ANO1: variants seen among roughly 807,000 people sequenced by gnomAD.
The protein encoded by ANO1 is anoctamin 1.
ANO1 carries 59 observed loss-of-function variants against 124.0 expected under a neutral mutation model. The ratio of observed to expected loss-of-function variants is 0.48; its 90% CI spans 0.39 to 0.59. ANO1 has a LOEUF of 0.59. Ranked by LOEUF, ANO1 falls within the 20% of genes least tolerant of loss-of-function variation. The probability of loss-of-function intolerance (pLI) is 0.00; values close to 1 mark genes in which losing one functional copy is unlikely to be tolerated. For synonymous variants in ANO1, 529 were observed against 532.0 expected (o/e 0.99, Z 0.08); for missense variants, 1,059 against 1,328.0 (o/e 0.80, Z 3.15).
chr11:70,028,753 C>A (rs536648932), intron 1 of ANO1, among the ~76,000 whole-genome samples: 3 of 152,204 alleles, frequency 2.0e-5, no homozygotes, highest in African/African-American at 7.2e-5. Flanking sequence ...GAGGTGGGAC[C>A]GCCTCTCTGT....
chr11:70,039,470 A>G (rs781955406), intron 1 of ANO1, among the ~76,000 whole-genome samples: 10 of 152,204 alleles, frequency 6.6e-5, no homozygotes, highest in Non-Finnish European at 1.5e-4. Flanking sequence ...TATCCCTTGA[A>G]GGACTTAAAA....
chr11:70,167,185 C>G, intron 20 of ANO1, 57 bp from the exon 21 acceptor site: 2 of 1,593,492 alleles, frequency 1.3e-6, no homozygotes. Flanking sequence ...GGTGCCAGAC[C>G]CAAGCCCCCA....
intron 20 of ANO1, 52 bp downstream of exon 20, chr11:70,165,622 G>A: frequency 6.7e-7 from 1 of 1,485,042 alleles, no homozygotes; most frequent in Non-Finnish European, 9.2e-7. Context: ...AGGCGGAGGG[G>A]TGTGTGGGTG....
chr11:70,125,863 G>A (rs1449212996), intron 9 of ANO1, among the ~76,000 whole-genome samples, 198 bp from the exon 10 acceptor site: 1 of 151,028 alleles, frequency 6.6e-6, no homozygotes, highest in African/African-American at 2.4e-5. Flanking sequence ...CAAAAAAAGA[G>A]AGAAGAGGGG....
intron 6 of ANO1, among the ~76,000 whole-genome samples, 194 bp downstream of exon 6, chr11:70,108,598 A>T (rs536322986): frequency 6.6e-6 from 1 of 152,246 alleles, no homozygotes; most frequent in East Asian, 1.9e-4. Flanking sequence ...GCACTTTTAA[A>T]CACAAATGTA....
At chr11:70,109,992 G>A (rs914626438) in intron 6 of ANO1, among the ~76,000 whole-genome samples, 1 of 152,140 alleles carries the variant, frequency 6.6e-6, no homozygotes, top group African/African-American at 2.4e-5. Flanking sequence ...CACCTGCCAA[G>A]TTGTGTCCCA....
intron 1 of ANO1, among the ~76,000 whole-genome samples, chr11:70,052,117 T>C (rs1555006306): frequency 6.6e-6 from 1 of 152,262 alleles, no homozygotes; most frequent in Non-Finnish European, 1.5e-5. Flanking sequence ...ACACCATTTA[T>C]TGATTCCACA....
chr11:70,032,449 G>A (rs1555003910), intron 1 of ANO1, among the ~76,000 whole-genome samples: 1 of 152,020 alleles, frequency 6.6e-6, no homozygotes, highest in Non-Finnish European at 1.5e-5. Context: ...GTGTGATTCT[G>A]TCTGGAGAGG....
At chr11:70,004,592 G>A (rs1000815563) in intron 1 of ANO1, among the ~76,000 whole-genome samples, 3 of 152,222 alleles carry the variant, frequency 2.0e-5, no homozygotes, top group East Asian at 1.9e-4. Flanking sequence ...GCGACGTTAC[G>A]CAGCATCTCC....
chr11:70,091,707 T>C (rs1303917229), intron 2 of ANO1, among the ~76,000 whole-genome samples: 3 of 152,170 alleles, frequency 2.0e-5, no homozygotes, highest in Non-Finnish European at 4.4e-5. Context: ...CCACTGGCTG[T>C]GCAGGTGTGA....
intron 1 of ANO1, chr11:70,085,771 T>A: frequency 7.5e-7 from 1 of 1,330,200 alleles, no homozygotes; most frequent in Non-Finnish European, 9.9e-7. Context: ...CCTCCCCCTC[T>A]CCCCCACTGC....
At chr11:70,171,101 T>C in intron 22 of ANO1, 62 bp downstream of exon 22, 6 of 1,558,518 alleles carry the variant, frequency 3.8e-6, no homozygotes, top group Admixed American at 1.9e-5. Context: ...GGGGAGGGGG[T>C]TGCTCCTCTC....
intron 1 of ANO1, among the ~76,000 whole-genome samples, chr11:70,019,087 G>A (rs1203353220): frequency 6.6e-6 from 1 of 152,264 alleles, no homozygotes; most frequent in Non-Finnish European, 1.5e-5. Context: ...TGGAGGAGGT[G>A]CCCCATTCAT....
intron 23 of ANO1, among the ~76,000 whole-genome samples, chr11:70,180,641 AAGAGACAGAGATAGGTGGGAAGAC>A: frequency 6.6e-6 from 1 of 152,054 alleles, no homozygotes; most frequent in African/African-American, 2.4e-5. Context: ...GAGAATAAAC[AAGAGACAGAGATAGGTGGGAAGAC>A]AGAGACAGAG....
At chr11:70,096,680 G>A (rs1345833118) in intron 2 of ANO1, among the ~76,000 whole-genome samples, 1 of 152,028 alleles carries the variant, frequency 6.6e-6, no homozygotes, top group African/African-American at 2.4e-5. Flanking sequence ...GGCCAACATA[G>A]TGAAACCCCG....
At chr11:70,185,293 C>A (rs1329755017) in intron 24 of ANO1, among the ~76,000 whole-genome samples, 1 of 152,246 alleles carries the variant, frequency 6.6e-6, no homozygotes, top group Non-Finnish European at 1.5e-5. Context: ...ATGGTCCCCA[C>A]CCTTGATTCT....
chr11:69,991,541 G>C (rs1856155012), intron 1 of ANO1, among the ~76,000 whole-genome samples: 3 of 152,214 alleles, frequency 2.0e-5, no homozygotes, highest in Non-Finnish European at 2.9e-5. Context: ...TGATGGGCAA[G>C]TACCAGTTGT....
At chr11:70,057,450 G>GTGTA (rs1857465569) in intron 1 of ANO1, among the ~76,000 whole-genome samples, 1 of 151,964 alleles carries the variant, frequency 6.6e-6, no homozygotes, top group African/African-American at 2.4e-5. Flanking sequence ...GTGTGTGTGT[G>GTGTA]TGTGTGTGAT....
intron 1 of ANO1, among the ~76,000 whole-genome samples, chr11:70,036,597 GT>G (rs1857097857): frequency 6.6e-6 from 1 of 150,998 alleles, no homozygotes; most frequent in African/African-American, 2.5e-5. Context: ...GTTTGTTTGT[GT>G]TTTTGTTTTG....
Sources: gnomAD v4.1 joint callset for allele counts (sites outside exome capture counted in the v4.1 genomes callset) on GRCh38, gnomAD v4.1.1 for gene constraint, MANE v1.5 for transcripts, NCBI Gene and HGNC (gene_info 2026-07-23, HGNC 2026-07-21) for gene names.